TFDP2: variants seen among roughly 807,000 people sequenced by gnomAD.
TFDP2 encodes the protein transcription factor Dp-2 (E2F dimerization partner 2).
A neutral mutation model predicts 59.3 loss-of-function variants in TFDP2; 17 were observed. The ratio of observed to expected loss-of-function variants is 0.29; its 90% CI spans 0.20 to 0.43. The LOEUF is 0.43. Among genes scored for constraint, TFDP2 ranks in the 20% least tolerant of loss-of-function variants. The pLI is 1.00. For synonymous variants in TFDP2, 180 were observed against 194.7 expected (o/e 0.92, Z 0.63); for missense variants, 391 against 528.8 (o/e 0.74, Z 2.56).
intron 3 of TFDP2, among the ~76,000 whole-genome samples, chr3:142,065,766 G>A (rs938147869): frequency 3.3e-5 from 5 of 151,974 alleles, no homozygotes; most frequent in Admixed American, 3.3e-4. Flanking sequence ...GCCTGCCTCG[G>A]CCTCTCAAAG....
chr3:141,973,189 G>A (rs10935449), intron 8 of TFDP2, among the ~76,000 whole-genome samples: 10,438 of 146,368 alleles, frequency 0.071, 482 homozygotes, highest in Non-Finnish European at 0.11. Flanking sequence ...GCACCATCTC[G>A]GTTCACTGTA....
intron 1 of TFDP2, among the ~76,000 whole-genome samples, chr3:142,147,212 C>T (rs1171794133): frequency 3.3e-5 from 5 of 152,090 alleles, no homozygotes; most frequent in African/African-American, 7.2e-5. Context: ...ATGCCGCACA[C>T]CTAGAGTCAT....
intron 3 of TFDP2, among the ~76,000 whole-genome samples, chr3:142,037,035 C>T (rs1311520064): frequency 6.6e-6 from 1 of 152,192 alleles, no homozygotes; most frequent in Non-Finnish European, 1.5e-5. Flanking sequence ...TCTTCCTCTA[C>T]ATTCCTACAT....
Position 141,951,525 on chromosome 3 carries a change from T to A in TFDP2, c.*988A>T, listed in dbSNP as rs935967580. On this transcript the variant is annotated 3_prime_UTR_variant, in exon 13 of 13. Transcript: ENST00000489671. ...AACACTGCTGTTCATATTCTTGAAA[T>A]AGACTTTTCTTTAAGACAAAAGTAA... 3.3e-5 allele frequency: 5 copies of A among 152,776 alleles called. No individual in the cohort carries two copies. Among genetic ancestry groups the A allele is most frequent in the Non-Finnish European group, 5.9e-5 (4 of 68,026 alleles). 9.5% of individuals were successfully genotyped at this position (152,776 alleles called of 1,614,324 possible). A position where few individuals can be genotyped will look rare whatever the true frequency, so the allele number is the denominator to read the frequency against.
At chr3:142,034,156 C>T (rs1360013223) in intron 3 of TFDP2, among the ~76,000 whole-genome samples, 1 of 141,908 alleles carries the variant, frequency 7.0e-6, no homozygotes, top group Non-Finnish European at 1.5e-5. Flanking sequence ...AGTGCAATGG[C>T]GTGATCTCGG....
intron 1 of TFDP2, among the ~76,000 whole-genome samples, chr3:142,119,110 A>C (rs1173854408): frequency 6.6e-6 from 1 of 152,128 alleles, no homozygotes; most frequent in Non-Finnish European, 1.5e-5. Flanking sequence ...GCAGTGAGCC[A>C]AGATTGCGCC....
chr3:141,970,219 G>A (rs1939504350), intron 8 of TFDP2, 78 bp from the exon 9 acceptor site: 2 of 1,380,272 alleles, frequency 1.4e-6, no homozygotes, highest in Non-Finnish European at 2.1e-6. Flanking sequence ...TCCCTATTCT[G>A]AGATAACAAT....
intron 3 of TFDP2, among the ~76,000 whole-genome samples, chr3:142,040,658 G>A (rs926248377): frequency 3.3e-5 from 5 of 152,108 alleles, no homozygotes; most frequent in Non-Finnish European, 7.4e-5. Flanking sequence ...TTGAACTCCC[G>A]ACCTCAGGTG....
chr3:142,149,040 G>A, intron 1 of TFDP2, 143 bp downstream of exon 1: 1 of 392,346 alleles, frequency 2.5e-6, no homozygotes. Flanking sequence ...GGCCAGGCCT[G>A]GAGAACCCAG....
intron 1 of TFDP2, among the ~76,000 whole-genome samples, chr3:142,109,634 A>T (rs2061587251): frequency 6.6e-6 from 1 of 151,860 alleles, no homozygotes; most frequent in African/African-American, 2.4e-5. Flanking sequence ...GGCCAGCTAC[A>T]TAGTGTTTTG....
At chr3:141,992,815 C>T (rs1942914531) in intron 6 of TFDP2, among the ~76,000 whole-genome samples, 1 of 152,122 alleles carries the variant, frequency 6.6e-6, no homozygotes, top group Non-Finnish European at 1.5e-5. Flanking sequence ...ACATATTTGG[C>T]CATCTAATTT....
At chr3:142,149,041 G>A (rs1403024185) in intron 1 of TFDP2, 142 bp downstream of exon 1, 3 of 392,332 alleles carry the variant, frequency 7.6e-6, no homozygotes, top group Non-Finnish European at 1.3e-5. Context: ...GCCAGGCCTG[G>A]AGAACCCAGG....
At chr3:142,092,891 C>T (rs1000399805) in intron 3 of TFDP2, 170 bp downstream of exon 3, 9 of 446,928 alleles carry the variant, frequency 2.0e-5, no homozygotes, top group Non-Finnish European at 3.1e-5. Context: ...AAAAATCCTC[C>T]GTCTGTCAGA....
intron 1 of TFDP2, among the ~76,000 whole-genome samples, chr3:142,111,386 C>T (rs2061654087): frequency 6.7e-6 from 1 of 149,246 alleles, no homozygotes; most frequent in Non-Finnish European, 1.5e-5. Flanking sequence ...TGAGATCGTG[C>T]CACTGCACTC....
At chr3:142,119,651 A>G (rs1560165151) in intron 1 of TFDP2, among the ~76,000 whole-genome samples, 2 of 151,996 alleles carry the variant, frequency 1.3e-5, no homozygotes, top group Admixed American at 6.6e-5. Flanking sequence ...CTGAGATGGG[A>G]GGATCATTAC....
intron 11 of TFDP2, among the ~76,000 whole-genome samples, chr3:141,956,515 G>A (rs1936679843): frequency 6.6e-6 from 1 of 151,918 alleles, no homozygotes; most frequent in Non-Finnish European, 1.5e-5. Flanking sequence ...CTGCACCATT[G>A]CACTCCAGCC....
intron 3 of TFDP2, among the ~76,000 whole-genome samples, chr3:142,070,674 T>G (rs2060217514): frequency 6.6e-6 from 1 of 152,230 alleles, no homozygotes; most frequent in Admixed American, 6.5e-5. Context: ...TCTGTGAACT[T>G]TCTTTTCATA....
Position 141,952,894 on chromosome 3 carries a change from C to T in TFDP2, c.1157+17G>A. The T allele has an allele frequency of 1.2e-6, 2 of 1,612,268 alleles. No individual in the cohort carries two copies. The highest frequency in any genetic ancestry group is 8.5e-7 in the Non-Finnish European group (1 of 1,178,410). On this transcript the variant is annotated intron_variant, in intron 12 of 12. Coordinates refer to ENST00000489671, the MANE Select transcript of TFDP2 (RefSeq NM_001178139.2). The stretch of plus-strand genomic sequence containing the variant: ...GGCTCTGGGGTTTGCCTTTCTAACC[C>T]TGAAAAAAATACGTACCTTGACTGG...
rs547899003 is a variant in TFDP2 at position 142,101,794 on chromosome 3, AT to A, written c.-46del. 6,463 of 1,223,810 alleles carry A rather than the reference AT, an allele frequency of 5.3e-3. 4 individuals are homozygous for A. The highest frequency in any genetic ancestry group is 6.1e-3 in the Non-Finnish European group (5,630 of 926,424). 75.8% of individuals were successfully genotyped at this position (1,223,810 alleles called of 1,614,324 possible). A position where few individuals can be genotyped will look rare whatever the true frequency, so the allele number is the denominator to read the frequency against. On this transcript the variant is annotated 5_prime_UTR_variant, in exon 2 of 13. Coordinates refer to ENST00000489671, the MANE Select transcript of TFDP2 (RefSeq NM_001178139.2). ...AAGATTCTGTAAAGCCATTAAAAAAATAAAAAGAAAAAAACCTTCGTCTTCA... is the reference window on the plus strand; with the variant it reads ...AAGATTCTGTAAAGCCATTAAAAAAAAAAAAGAAAAAAACCTTCGTCTTCA...
Sources: allele counts gnomAD v4.1 joint callset (sites outside exome capture counted in the v4.1 genomes callset), GRCh38; gene constraint gnomAD v4.1.1; transcripts MANE v1.5; gene names NCBI Gene and HGNC (gene_info 2026-07-23, HGNC 2026-07-21).